The following MACF1 variants were observed in gnomAD, a reference collection of about 807,000 sequenced individuals.
MACF1 encodes microtubule actin crosslinking factor 1.
In MACF1, 193 loss-of-function variants were observed where a neutral mutation model predicts 854.8. The observed-to-expected ratio is 0.23, with a 90% CI of 0.20 to 0.25. The LOEUF is 0.25. Among genes scored for constraint, MACF1 ranks in the 10% least tolerant of loss-of-function variants. The pLI, the probability that MACF1 is intolerant of heterozygous loss-of-function variation, is 1.00. For missense variants in MACF1, 7,722 were observed against 8,929.1 expected, an observed-to-expected ratio of 0.86 and a Z score of 5.45; for synonymous variants, 3,185 against 3,226.7, an observed-to-expected ratio of 0.99 and a Z score of 0.44.
At chr1:39,421,678 G>T (rs890756737) in intron 58 of MACF1, among the ~76,000 whole-genome samples, 2 of 152,156 alleles carry the variant, frequency 1.3e-5, no homozygotes, top group African/African-American at 4.8e-5. Context: ...TAGTCATTTG[G>T]TATTATTCTA....
rs1172877780 is a variant in MACF1 at position 39,442,876 on chromosome 1, G to A, written c.19267G>A (p.Glu6423Lys). 6.2e-7 allele frequency: 1 copy of A among 1,614,106 alleles called. No individual in the cohort carries two copies. The highest frequency in any genetic ancestry group is 8.5e-7 in the Non-Finnish European group (1 of 1,180,006). Residue 6423 changes from glutamate (E) to lysine (K), a missense_variant, in exon 78 of 101, where the codon GAG becomes AAG. Around this residue, in one of 15 missense-constraint regions of MACF1, gnomAD observed 729 missense variants for 900.5 expected, o/e 0.81. Transcript: ENST00000564288. ...GGAGTCAGTGTTACAGAAAACAGAGGAGAGGGAGCAGCAGCTTCAGTCAAC... is the reference window on the plus strand; with the variant it reads ...GGAGTCAGTGTTACAGAAAACAGAGAAGAGGGAGCAGCAGCTTCAGTCAAC... ...CWESVLQKTE[E>K]REQQLQSTLQ...
At chr1:39,261,846 G>A (rs1381417370) in intron 6 of MACF1, among the ~76,000 whole-genome samples, 3 of 152,130 alleles carry the variant, frequency 2.0e-5, no homozygotes, top group Non-Finnish European at 4.4e-5. Flanking sequence ...TAATTGTACA[G>A]TAAGCATGTT....
chr1:39,190,884 T>C (rs1465119362), intron 2 of MACF1, among the ~76,000 whole-genome samples: 2 of 152,138 alleles, frequency 1.3e-5, no homozygotes, highest in South Asian at 2.1e-4. Flanking sequence ...TCCCAGCTAC[T>C]TGGGAGGCTG....
At chr1:39,324,005 A>G (rs1269456180) in intron 33 of MACF1, among the ~76,000 whole-genome samples, 188 bp from the exon 34 acceptor site, 1 of 152,226 alleles carries the variant, frequency 6.6e-6, no homozygotes, top group East Asian at 1.9e-4. Context: ...GGTATAATAA[A>G]TTTAGCTCAC....
chr1:39,226,585 C>A (rs866312825), intron 1 of MACF1, among the ~76,000 whole-genome samples: 1 of 152,030 alleles, frequency 6.6e-6, no homozygotes. Flanking sequence ...GTGATCCACC[C>A]GCCTCAGCCT....
At chr1:39,193,076 C>A (rs1644276376) in intron 2 of MACF1, among the ~76,000 whole-genome samples, 1 of 151,744 alleles carries the variant, frequency 6.6e-6, no homozygotes, top group Admixed American at 6.6e-5. Flanking sequence ...TGTGCCATTG[C>A]ACTACAGTCT....
In MACF1 at chr1:39,485,757, C is replaced by T. The variant is rs774891261; in HGVS notation, c.22631C>T (p.Thr7544Ile). The change falls in exon 101 of 101, where the codon ACC (threonine) becomes ATC (isoleucine). Residue 7544 changes from threonine to isoleucine, a missense_variant. This residue lies in a region of MACF1 where 185 missense variants were observed against 225.7 expected (regional missense o/e 0.82). Coordinates refer to ENST00000564288, the MANE Select transcript of MACF1 (RefSeq NM_001394062.1). ...ATCCCAACCATGTCTAAGAAGACCA[C>T]CACTGCCTCCCCCAGGACTCCAGGT... ...SKIPTMSKKT[T>I]TASPRTPGPK... is the part of the protein sequence containing the mutation. 1.2e-6 allele frequency: 2 copies of T among 1,611,386 alleles called. No homozygotes were observed. The highest frequency in any genetic ancestry group is 1.7e-6 in the Non-Finnish European group (2 of 1,178,008).
At chr1:39,189,337 T>C (rs1246720314) in intron 2 of MACF1, among the ~76,000 whole-genome samples, 2 of 152,228 alleles carry the variant, frequency 1.3e-5, no homozygotes, top group African/African-American at 4.8e-5. Flanking sequence ...TATCAAACTT[T>C]TGTTGCTATT....
chr1:39,431,286 A>C (rs1040263842), intron 66 of MACF1, among the ~76,000 whole-genome samples: 1 of 97,478 alleles, frequency 1.0e-5, no homozygotes, highest in South Asian at 2.6e-4. Context: ...GAAGAGGGGG[A>C]AGGAATTACT....
At chr1:39,152,322 C>G (rs1286531523) in intron 2 of MACF1, among the ~76,000 whole-genome samples, 1 of 152,098 alleles carries the variant, frequency 6.6e-6, no homozygotes, top group Non-Finnish European at 1.5e-5. Context: ...ATTGCTGTTT[C>G]AAAAGGTATG....
chr1:39,120,131 G>C (rs966327194), intron 2 of MACF1, among the ~76,000 whole-genome samples: 2 of 151,994 alleles, frequency 1.3e-5, no homozygotes, highest in African/African-American at 4.8e-5. Flanking sequence ...TGATCCACCT[G>C]TCTTGGCCTC....
At chr1:39,323,085 G>A in intron 33 of MACF1, 77 bp downstream of exon 33, 1 of 1,372,086 alleles carries the variant, frequency 7.3e-7, no homozygotes. Flanking sequence ...TGTGCCTGTA[G>A]TCTCTGGTAC....
At chr1:39,360,763 A>T (rs1451431400) in intron 47 of MACF1, 30 bp from the exon 48 acceptor site, 14 of 1,353,208 alleles carry the variant, frequency 1.0e-5, no homozygotes, top group Non-Finnish European at 1.3e-5. Context: ...AATTGTCTCC[A>T]CTCTTTCTTT....
In MACF1 at chr1:39,319,208, GT is replaced by G. The variant is rs563932439; in HGVS notation, c.3946-454del. ...ATTTAACCTACCTTATGAGATTATC[GT>G]TGCTAGGATTAACTGAAGTGATACA... On this transcript the variant is annotated intron_variant, in intron 30 of 100. Transcript: ENST00000564288. Among the ~76,000 whole-genome samples the G allele has an allele frequency of 1.1e-4, 17 of 152,130 alleles. 1 individual carries two copies. The South Asian group carries it at 3.5e-3, about 32-fold the overall frequency.
At chr1:39,351,792 G>A (rs1013402838) in intron 43 of MACF1, among the ~76,000 whole-genome samples, 1 of 151,714 alleles carries the variant, frequency 6.6e-6, no homozygotes, top group African/African-American at 2.4e-5. Flanking sequence ...TTCACCATGT[G>A]GACCCAGCTG....
chr1:39,468,636 C>T lies in MACF1; in HGVS notation c.21793C>T (p.Arg7265Trp). ...ACAGTTTGGGGATTCTCAGCAGTTG[C>T]GGCTGGTCCGTATTCTGCGCAGCAC... ...GNQFGDSQQL[R>W]LVRILRSTVM... Residue 7265 changes from arginine to tryptophan, a missense_variant, in exon 96 of 101, where the codon CGG becomes TGG. Arg to Trp is a moderately radical substitution (Grantham distance 101). Around this residue, in one of 15 missense-constraint regions of MACF1, gnomAD observed 153 missense variants for 342.5 expected, o/e 0.45. Coordinates refer to ENST00000564288, the MANE Select transcript of MACF1 (RefSeq NM_001394062.1). 1.2e-6 allele frequency: 2 copies of T among 1,614,020 alleles called. No individual in the cohort carries two copies. The highest frequency in any genetic ancestry group is 1.7e-6 in the Non-Finnish European group (2 of 1,179,924).
chr1:39,284,982 A>G (rs1645616563), intron 11 of MACF1, 101 bp from the exon 12 acceptor site: 2 of 1,463,492 alleles, frequency 1.4e-6, no homozygotes, highest in Admixed American at 2.0e-5. Context: ...AAACTGCTGA[A>G]TGGCTGGGTA....
intron 28 of MACF1, among the ~76,000 whole-genome samples, chr1:39,316,996 A>G (rs150246064): frequency 0.014 from 2,197 of 152,328 alleles, 20 homozygotes; most frequent in Non-Finnish European, 0.021. Context: ...TTCTATGCAC[A>G]TTTCTCTATA....
intron 2 of MACF1, among the ~76,000 whole-genome samples, chr1:39,159,503 A>G: frequency 6.6e-6 from 1 of 152,104 alleles, no homozygotes; most frequent in East Asian, 1.9e-4. Flanking sequence ...TTGATGGGCT[A>G]TTTGTAAGCC....
Sources: allele counts gnomAD v4.1 joint callset (sites outside exome capture counted in the v4.1 genomes callset), GRCh38; gene constraint gnomAD v4.1.1; regional missense constraint gnomAD v4.1.1; transcripts MANE v1.5; gene names NCBI Gene and HGNC (gene_info 2026-07-23, HGNC 2026-07-21).